CORIN: variants seen among roughly 807,000 people sequenced by gnomAD.
CORIN encodes the protein atrial natriuretic peptide-converting enzyme.
A neutral mutation model predicts 125.3 loss-of-function variants in CORIN; 117 were observed. The observed-to-expected ratio is 0.93, with a 90% CI of 0.80 to 1.09. The LOEUF is 1.09. CORIN is among the 50% of genes least tolerant of loss of function. The probability of loss-of-function intolerance (pLI) is 0.00; values close to 1 mark genes in which losing one functional copy is unlikely to be tolerated. For missense variants in CORIN, 1,253 were observed against 1,306.7 expected, an observed-to-expected ratio of 0.96 and a Z score of 0.63; for synonymous variants, 450 against 466.4, an observed-to-expected ratio of 0.96 and a Z score of 0.45.
chr4:47,631,203 A>T (rs1338016382), intron 16 of CORIN, among the ~76,000 whole-genome samples: 1 of 152,178 alleles, frequency 6.6e-6, no homozygotes, highest in Non-Finnish European at 1.5e-5. Flanking sequence ...TTTAAAAAAT[A>T]ATGTCTACAG....
At chr4:47,778,313 G>T (rs533410620) in intron 3 of CORIN, among the ~76,000 whole-genome samples, 1 of 152,252 alleles carries the variant, frequency 6.6e-6, no homozygotes, top group African/African-American at 2.4e-5. Context: ...GATATTGCAG[G>T]ATTCATTTAG....
chr4:47,632,814 C>T (rs1189117406), intron 16 of CORIN, among the ~76,000 whole-genome samples: 1 of 149,978 alleles, frequency 6.7e-6, no homozygotes, highest in Non-Finnish European at 1.5e-5. Context: ...GAGTCTCACT[C>T]TGTCGCCCAG....
At chr4:47,662,309 T>A (rs1419690315) in intron 11 of CORIN, among the ~76,000 whole-genome samples, 1 of 152,156 alleles carries the variant, frequency 6.6e-6, no homozygotes, top group Non-Finnish European at 1.5e-5. Context: ...GTGAGCCATC[T>A]CATGTGCCAC....
At chr4:47,647,881 T>TTTGGTTTCCATACA in intron 13 of CORIN, among the ~76,000 whole-genome samples, 1 of 152,208 alleles carries the variant, frequency 6.6e-6, no homozygotes, top group Non-Finnish European at 1.5e-5. Context: ...TTCTCCAAAC[T>TTTGGTTTCCATACA]TTGGTTTCCA....
intron 4 of CORIN, among the ~76,000 whole-genome samples, chr4:47,754,434 C>A (rs1245199450): frequency 6.6e-6 from 1 of 152,098 alleles, no homozygotes; most frequent in Non-Finnish European, 1.5e-5. Context: ...TCTTTGGTAA[C>A]AGCAACAGTG....
chr4:47,704,192 A>G (rs182537441), intron 5 of CORIN, among the ~76,000 whole-genome samples: 12 of 152,264 alleles, frequency 7.9e-5, no homozygotes, highest in Non-Finnish European at 1.5e-4. Flanking sequence ...ATTGCATATA[A>G]CAAAGCCACA....
At chr4:47,690,275 T>A (rs917544199) in intron 6 of CORIN, among the ~76,000 whole-genome samples, 1 of 152,202 alleles carries the variant, frequency 6.6e-6, no homozygotes, top group African/African-American at 2.4e-5. Flanking sequence ...AGCATTAGAT[T>A]TTGAACCATT....
intron 19 of CORIN, among the ~76,000 whole-genome samples, chr4:47,619,255 T>C (rs1722205236): frequency 6.6e-6 from 1 of 152,196 alleles, no homozygotes; most frequent in Non-Finnish European, 1.5e-5. Context: ...TATCTACCTC[T>C]TCATAGCAGA....
chr4:47,619,550 A>C (rs1722217758), intron 19 of CORIN, among the ~76,000 whole-genome samples: 1 of 152,234 alleles, frequency 6.6e-6, no homozygotes, highest in African/African-American at 2.4e-5. Context: ...CTTCTTCTGG[A>C]TAGACTAGGC....
chr4:47,700,452 C>CA (rs1198241454), intron 5 of CORIN, among the ~76,000 whole-genome samples: 2 of 152,136 alleles, frequency 1.3e-5, no homozygotes, highest in Non-Finnish European at 2.9e-5. Flanking sequence ...CATACTTCCC[C>CA]ACTCAAAAAG....
chr4:47,684,828 T>C (rs1725440766), intron 6 of CORIN, among the ~76,000 whole-genome samples: 1 of 152,024 alleles, frequency 6.6e-6, no homozygotes, highest in African/African-American at 2.4e-5. Context: ...AAGACTTGAA[T>C]AGAAAGTCTT....
chr4:47,718,541 T>C (rs1727205160), intron 5 of CORIN, among the ~76,000 whole-genome samples: 1 of 152,248 alleles, frequency 6.6e-6, no homozygotes, highest in African/African-American at 2.4e-5. Context: ...TTGTTATTAC[T>C]ATAAGAACCT....
chr4:47,632,745 A>AGAT lies in CORIN; in HGVS notation c.2199-6227_2199-6225dup, dbSNP rs1275682168. 1.9e-3 allele frequency among the ~76,000 whole-genome samples: 225 copies of AGAT among 117,442 alleles called. 3 individuals are homozygous for AGAT. Among genetic ancestry groups the AGAT allele is most frequent in the African/African-American group, 7.2e-3 (209 of 28,988 alleles). 77.0% of individuals were successfully genotyped at this position (117,442 alleles called of 152,430 possible). On this transcript the variant is annotated intron_variant, in intron 16 of 21. Transcript: ENST00000273857. ...ATAGATGATAGATAGATAGATAGAT[A>AGAT]GATAGATAGATAGATAGATAGAGAT...
intron 3 of CORIN, among the ~76,000 whole-genome samples, chr4:47,774,351 G>A (rs1346800422): frequency 2.6e-5 from 4 of 152,144 alleles, no homozygotes; most frequent in African/African-American, 9.7e-5. Flanking sequence ...CTGCACTCCC[G>A]GGTGTGAAAG....
intron 2 of CORIN, among the ~76,000 whole-genome samples, chr4:47,804,436 T>A (rs1193982761): frequency 6.6e-6 from 1 of 152,124 alleles, no homozygotes; most frequent in Non-Finnish European, 1.5e-5. Context: ...ATCACACTCG[T>A]CAATATTTGG....
At chr4:47,730,231 T>A (rs994770713) in intron 5 of CORIN, among the ~76,000 whole-genome samples, 17 of 151,838 alleles carry the variant, frequency 1.1e-4, no homozygotes, top group African/African-American at 4.1e-4. Context: ...TCCCAGCACT[T>A]TGGGAGGCTG....
chr4:47,643,508 A>G (rs1723326991), intron 14 of CORIN, among the ~76,000 whole-genome samples: 1 of 152,216 alleles, frequency 6.6e-6, no homozygotes, highest in Non-Finnish European at 1.5e-5. Flanking sequence ...TCTAACAATC[A>G]GACTGAATAA....
At chr4:47,638,590 C>G (rs1723118532) in intron 16 of CORIN, among the ~76,000 whole-genome samples, 1 of 152,202 alleles carries the variant, frequency 6.6e-6, no homozygotes, top group South Asian at 2.1e-4. Flanking sequence ...CACACAAGCT[C>G]TCTCTTTTTT....
rs769150484 is a variant in CORIN at position 47,595,797 on chromosome 4, C to G, written c.3053G>C (p.Gly1018Ala). The change falls in exon 22 of 22, where the codon GGC becomes GCC. Residue 1018 changes from glycine to alanine, a missense_variant. Physicochemically the swap from Gly to Ala is moderately conservative, Grantham distance 60. Transcript: ENST00000273857. ...GAAATATGACACATTACTATAAACG[C>G]CAGGCCCCAGGACTTTGGAAAAGCA... The part of the protein sequence containing the change: ...SVCFSKVLGP[G>A]VYSNVSYFVE... The G allele has an allele frequency of 1.2e-6, 2 of 1,613,668 alleles. No individual in the cohort carries two copies. The highest frequency in any genetic ancestry group is 3.3e-5 in the Admixed American group (2 of 59,958).
Sources: gnomAD v4.1 joint callset for allele counts (sites outside exome capture counted in the v4.1 genomes callset) on GRCh38, gnomAD v4.1.1 for gene constraint, MANE v1.5 for transcripts, NCBI Gene and HGNC (gene_info 2026-07-23, HGNC 2026-07-21) for gene names.